SNX6: variants seen among roughly 807,000 people sequenced by gnomAD.
The protein encoded by SNX6 is sorting nexin-6.
A neutral mutation model predicts 63.0 loss-of-function variants in SNX6; 34 were observed. The ratio of observed to expected loss-of-function variants is 0.54; its 90% CI spans 0.41 to 0.72. SNX6 has a LOEUF of 0.72. SNX6 is among the 30% of genes least tolerant of loss of function. SNX6 has a pLI of 0.00. For missense variants in SNX6, 398 were observed against 471.4 expected, an observed-to-expected ratio of 0.84 and a Z score of 1.44; for synonymous variants, 170 against 164.2, an observed-to-expected ratio of 1.04 and a Z score of -0.27.
intron 5 of SNX6, among the ~76,000 whole-genome samples, chr14:34,603,948 T>A (rs746875651): frequency 6.6e-6 from 1 of 151,688 alleles, no homozygotes; most frequent in African/African-American, 2.4e-5. Flanking sequence ...AAACACACTA[T>A]GAAGAAACTA....
At chr14:34,568,251 A>C (rs1489969894) in intron 11 of SNX6, among the ~76,000 whole-genome samples, 2 of 147,028 alleles carry the variant, frequency 1.4e-5, no homozygotes, top group African/African-American at 5.1e-5. Context: ...TTTTTTTTTA[A>C]GACGGATTCT....
intron 6 of SNX6, among the ~76,000 whole-genome samples, chr14:34,600,149 T>C (rs563192521): frequency 2.0e-5 from 3 of 152,168 alleles, no homozygotes; most frequent in Non-Finnish European, 4.4e-5. Context: ...TTTTTCTCTT[T>C]TGAGACAGAA....
chr14:34,584,768 G>C (rs1371376704), intron 9 of SNX6, among the ~76,000 whole-genome samples: 1 of 151,902 alleles, frequency 6.6e-6, no homozygotes, highest in Non-Finnish European at 1.5e-5. Flanking sequence ...TATATAGAGA[G>C]AGAGAGTAAA....
intron 11 of SNX6, among the ~76,000 whole-genome samples, chr14:34,569,430 T>C (rs146044166): frequency 6.6e-6 from 1 of 151,980 alleles, no homozygotes; most frequent in Non-Finnish European, 1.5e-5. Flanking sequence ...TGTTTTTTTT[T>C]TTTGTTTTTT....
At chr14:34,563,410 T>C (rs1232469612) in intron 13 of SNX6, among the ~76,000 whole-genome samples, 1 of 151,732 alleles carries the variant, frequency 6.6e-6, no homozygotes, top group Non-Finnish European at 1.5e-5. Context: ...ATACAAAAAA[T>C]TAGCCGGGCG....
At chr14:34,598,897 A>G (rs989135782) in intron 6 of SNX6, among the ~76,000 whole-genome samples, 1 of 152,180 alleles carries the variant, frequency 6.6e-6, no homozygotes, top group Non-Finnish European at 1.5e-5. Context: ...TCTGTCTCTT[A>G]AAAATAGGTG....
chr14:34,610,188 G>GA (rs751086426), intron 2 of SNX6, among the ~76,000 whole-genome samples: 11,003 of 132,522 alleles, frequency 0.083, 568 homozygotes, highest in African/African-American at 0.16. Context: ...TACAGAAATT[G>GA]AAAAAAAAAA....
Position 34,580,045 on chromosome 14 carries a change from C to T in SNX6, c.834+1516G>A, listed in dbSNP as rs191896691. ...ACTAAAAATACAAAAATTAGCCTGG[C>T]GTGGTGGCACATGCCTGTAATCTCA... On this transcript the variant is annotated intron_variant, in intron 10 of 13. Transcript: ENST00000362031. Among the ~76,000 whole-genome samples, 637 of 152,086 alleles carry T rather than the reference C, an allele frequency of 4.2e-3. 6 individuals are homozygous for T. Among genetic ancestry groups the T allele is most frequent in the African/African-American group, 0.015 (611 of 41,518 alleles).
intron 2 of SNX6, among the ~76,000 whole-genome samples, chr14:34,620,802 G>A (rs766154532): frequency 2.6e-5 from 4 of 151,900 alleles, no homozygotes; most frequent in Non-Finnish European, 5.9e-5. Flanking sequence ...TTAGTTGGGC[G>A]TGGTGGTGCA....
At position 34,606,566 on chromosome 14, in the gene SNX6, C is replaced by T. The variant is rs535961017; in HGVS notation, c.271-849G>A. Reference sequence around the variant, plus strand: ...CTCCTGGGTTCAAGTGATTCTCCTGCCTCCGCCTCCCGAGTAGCTGGGATT... The same window carrying T: ...CTCCTGGGTTCAAGTGATTCTCCTGTCTCCGCCTCCCGAGTAGCTGGGATT... On this transcript the variant is annotated intron_variant, in intron 4 of 13. Coordinates refer to ENST00000362031, the MANE Select transcript of SNX6 (RefSeq NM_152233.4). 2.0e-4 allele frequency among the ~76,000 whole-genome samples: 30 copies of T among 151,922 alleles called. No individual in the cohort carries two copies. In the East Asian group the frequency reaches 5.6e-3, roughly 28 times the overall value.
chr14:34,606,163 G>C (rs1387590189), intron 4 of SNX6, among the ~76,000 whole-genome samples: 1 of 148,978 alleles, frequency 6.7e-6, no homozygotes, highest in Non-Finnish European at 1.5e-5. Context: ...GATAGAGGAA[G>C]ACCCTGTCTC....
chr14:34,568,588 C>CA, intron 11 of SNX6: 1 of 612,546 alleles, frequency 1.6e-6, no homozygotes, highest in Non-Finnish European at 3.0e-6. Context: ...CCCCCTATTT[C>CA]AGCCTGCTAA....
intron 8 of SNX6, among the ~76,000 whole-genome samples, chr14:34,592,582 G>A (rs1435557563): frequency 6.6e-6 from 1 of 152,126 alleles, no homozygotes; most frequent in African/African-American, 2.4e-5. Context: ...TTGCTGTCTA[G>A]ACAGTCTCAC....
rs71121210 is a variant in SNX6 at position 34,578,937 on chromosome 14, C to CAAAAAAAAAAAA, written c.834+2612_834+2623dup. ...CTGGCGACAGAGCGAGACTTCATCT[C>CAAAAAAAAAAAA]AAAAAAAAAAAAAAAAAAAAAAAAA... On this transcript the variant is annotated intron_variant, in intron 10 of 13. Transcript: ENST00000362031. Among the ~76,000 whole-genome samples the CAAAAAAAAAAAA allele has an allele frequency of 4.8e-3, 108 of 22,554 alleles. 5 individuals carry two copies. The highest frequency in any genetic ancestry group is 6.9e-3 in the Non-Finnish European group (75 of 10,796). 14.8% of individuals were successfully genotyped at this position (22,554 alleles called of 152,430 possible).
At chr14:34,573,284 A>T (rs922645218) in intron 11 of SNX6, among the ~76,000 whole-genome samples, 3 of 152,142 alleles carry the variant, frequency 2.0e-5, no homozygotes, top group Non-Finnish European at 2.9e-5. Context: ...AGCCAAAAAA[A>T]CTTTTTGAGG....
intron 9 of SNX6, among the ~76,000 whole-genome samples, chr14:34,582,130 ATT>A (rs1289997311): frequency 2.1e-4 from 24 of 115,344 alleles, no homozygotes; most frequent in Non-Finnish European, 2.5e-4. Flanking sequence ...CCCGGCCCTG[ATT>A]TTTTTTTTTT....
chr14:34,589,889 C>G (rs1882322968), intron 8 of SNX6, among the ~76,000 whole-genome samples: 1 of 151,886 alleles, frequency 6.6e-6, no homozygotes, highest in Non-Finnish European at 1.5e-5. Context: ...GGTGAGAGGA[C>G]TGCTTGAGTC....
chr14:34,620,282 T>G (rs186967676), intron 2 of SNX6, among the ~76,000 whole-genome samples: 3 of 152,262 alleles, frequency 2.0e-5, no homozygotes, highest in African/African-American at 7.2e-5. Context: ...AGCAGCTGTT[T>G]ATTCTCTCAG....
intron 10 of SNX6, among the ~76,000 whole-genome samples, chr14:34,578,407 G>A (rs1469339361): frequency 6.6e-6 from 1 of 151,664 alleles, no homozygotes; most frequent in Non-Finnish European, 1.5e-5. Context: ...TGAGGTGGGT[G>A]GAATACTTGA....
Sources: allele counts gnomAD v4.1 joint callset (sites outside exome capture counted in the v4.1 genomes callset), GRCh38; gene constraint gnomAD v4.1.1; transcripts MANE v1.5; gene names NCBI Gene and HGNC (gene_info 2026-07-23, HGNC 2026-07-21).